Variants in SLC39A11 observed in about 807,000 individuals in gnomAD.
SLC39A11 encodes zinc transporter ZIP11.
Under a neutral mutation model 36.1 loss-of-function variants are expected in SLC39A11, and 33 were observed. That is an observed-to-expected ratio of 0.91 (90% CI 0.69 to 1.22). The LOEUF is 1.22. Ranked by LOEUF, SLC39A11 falls within the 50% of genes most tolerant of loss-of-function variation. SLC39A11 has a pLI of 0.00. For missense variants in SLC39A11, 432 were observed against 430.3 expected, an observed-to-expected ratio of 1.00 and a Z score of -0.03; for synonymous variants, 166 against 170.3, an observed-to-expected ratio of 0.97 and a Z score of 0.20.
At chr17:72,742,341 C>T (rs556486978) in intron 6 of SLC39A11, among the ~76,000 whole-genome samples, 3 of 152,242 alleles carry the variant, frequency 2.0e-5, no homozygotes. Context: ...CAGCCCGAGT[C>T]GTGGGAGCTG....
At chr17:72,769,307 C>A (rs545129542) in intron 6 of SLC39A11, among the ~76,000 whole-genome samples, 14 of 152,264 alleles carry the variant, frequency 9.2e-5, no homozygotes, top group African/African-American at 3.1e-4. Flanking sequence ...ACTCATCTAC[C>A]AAGTGGAGGT....
intron 6 of SLC39A11, among the ~76,000 whole-genome samples, chr17:72,803,488 A>C (rs762063829): frequency 1.3e-5 from 2 of 152,242 alleles, no homozygotes; most frequent in African/African-American, 2.4e-5. Flanking sequence ...CTCTAGGGAA[A>C]GTGGGGGAAG....
chr17:72,698,905 A>G (rs2072454223), intron 7 of SLC39A11, among the ~76,000 whole-genome samples: 1 of 152,068 alleles, frequency 6.6e-6, no homozygotes, highest in African/African-American at 2.4e-5. Context: ...ATCTCGGCTC[A>G]CTGCAAGCTC....
intron 2 of SLC39A11, among the ~76,000 whole-genome samples, chr17:73,086,726 G>A (rs555799099): frequency 3.3e-5 from 5 of 152,216 alleles, no homozygotes; most frequent in Admixed American, 6.5e-5. Flanking sequence ...AGGCTGAGGT[G>A]GGACGATCAC....
intron 6 of SLC39A11, among the ~76,000 whole-genome samples, chr17:72,806,231 A>G (rs2145317718): frequency 6.6e-6 from 1 of 152,300 alleles, no homozygotes; most frequent in African/African-American, 2.4e-5. Context: ...TTCCTAGCCA[A>G]TCTTCAACTG....
intron 5 of SLC39A11, among the ~76,000 whole-genome samples, chr17:72,857,788 C>T (rs992846689): frequency 6.6e-6 from 1 of 152,032 alleles, no homozygotes; most frequent in Non-Finnish European, 1.5e-5. Flanking sequence ...TGTCTTCTTT[C>T]GAAAAGTGTT....
chr17:72,854,406 G>C (rs1473882860), intron 5 of SLC39A11, among the ~76,000 whole-genome samples: 1 of 152,090 alleles, frequency 6.6e-6, no homozygotes, highest in Non-Finnish European at 1.5e-5. Flanking sequence ...GGAGAGTCTG[G>C]TGAGCTCTCA....
At chr17:72,790,339 C>T (rs1356706692) in intron 6 of SLC39A11, among the ~76,000 whole-genome samples, 1 of 152,130 alleles carries the variant, frequency 6.6e-6, no homozygotes, top group Non-Finnish European at 1.5e-5. Flanking sequence ...ATAAACAGAA[C>T]ATGGTGAGGA....
intron 4 of SLC39A11, among the ~76,000 whole-genome samples, chr17:73,026,517 CA>C (rs548390962): frequency 0.095 from 7,153 of 75,504 alleles, 211 homozygotes; most frequent in Non-Finnish European, 0.15. Context: ...GAAACTACAT[CA>C]AAAAAAAAAA....
At chr17:72,818,351 T>C (rs76168089) in intron 6 of SLC39A11, among the ~76,000 whole-genome samples, 4,277 of 152,248 alleles carry the variant, frequency 0.028, 211 homozygotes, top group African/African-American at 0.096. Context: ...TGTAGCTCCT[T>C]GGACACCTGG....
intron 5 of SLC39A11, among the ~76,000 whole-genome samples, chr17:72,906,497 A>G (rs72847981): frequency 0.048 from 7,270 of 152,268 alleles, 203 homozygotes; most frequent in Non-Finnish European, 0.063. Flanking sequence ...TGGCACAGAG[A>G]GCTGGGGAGG....
chr17:72,788,471 C>A (rs1471592406), intron 6 of SLC39A11, among the ~76,000 whole-genome samples: 1 of 151,552 alleles, frequency 6.6e-6, no homozygotes, highest in African/African-American at 2.4e-5. Context: ...GGAAGTCGAC[C>A]AATGTCACAC....
At chr17:72,820,726 G>A (rs1406553089) in intron 6 of SLC39A11, among the ~76,000 whole-genome samples, 8 of 151,142 alleles carry the variant, frequency 5.3e-5, no homozygotes, top group South Asian at 2.1e-4. Flanking sequence ...GATGTTTCCC[G>A]TAAAGATGCC....
chr17:72,752,867 T>G (rs2075207171), intron 6 of SLC39A11, among the ~76,000 whole-genome samples: 1 of 152,090 alleles, frequency 6.6e-6, no homozygotes, highest in Non-Finnish European at 1.5e-5. Flanking sequence ...GGTGTTGTTT[T>G]GATTTTTGAG....
intron 7 of SLC39A11, among the ~76,000 whole-genome samples, chr17:72,657,080 G>T (rs1163472107): frequency 6.6e-6 from 1 of 152,188 alleles, no homozygotes; most frequent in Non-Finnish European, 1.5e-5. Context: ...TAAATAAATA[G>T]GCCAGGCACG....
At chr17:73,083,841 G>A (rs2060629994) in intron 3 of SLC39A11, among the ~76,000 whole-genome samples, 1 of 152,180 alleles carries the variant, frequency 6.6e-6, no homozygotes, top group African/African-American at 2.4e-5. Context: ...TTAGAAAGAT[G>A]AAGAAAATCT....
At position 72,670,160 on chromosome 17, in the gene SLC39A11, TACACACACACACACACACACAC is replaced by T. The variant is rs202032502; in HGVS notation, c.672-20914_672-20893del. Among the ~76,000 whole-genome samples, 240 of 104,684 alleles carry T rather than the reference TACACACACACACACACACACAC, an allele frequency of 2.3e-3. 2 individuals are homozygous for T. Among genetic ancestry groups the T allele is most frequent in the East Asian group, 0.018 (59 of 3,252 alleles). The allele number at this position is 104,684 out of a possible 152,430, so 68.7% of individuals were successfully genotyped here. ...CGTATACACACACACACATTTTATA[TACACACACACACACACACACAC>T]ACACACACACACACACACACACACA... On this transcript the variant is annotated intron_variant, in intron 7 of 9. Coordinates refer to ENST00000255559, the MANE Select transcript of SLC39A11 (RefSeq NM_139177.4).
At chr17:72,806,451 G>A (rs887290320) in intron 6 of SLC39A11, among the ~76,000 whole-genome samples, 6 of 152,116 alleles carry the variant, frequency 3.9e-5, no homozygotes, top group Admixed American at 2.0e-4. Flanking sequence ...AAGCTCTAAC[G>A]ATAGCATTCT....
intron 6 of SLC39A11, among the ~76,000 whole-genome samples, chr17:72,755,250 A>G (rs1196951360): frequency 6.6e-6 from 1 of 152,258 alleles, no homozygotes; most frequent in East Asian, 1.9e-4. Context: ...AAACCTTTGC[A>G]AGTAAAGTGC....
Sources: gnomAD v4.1 joint callset for allele counts (sites outside exome capture counted in the v4.1 genomes callset) on GRCh38, gnomAD v4.1.1 for gene constraint, MANE v1.5 for transcripts, NCBI Gene and HGNC (gene_info 2026-07-23, HGNC 2026-07-21) for gene names.